Variants in PHF19 observed in about 807,000 individuals in gnomAD.
PHF19 encodes PHD finger protein 19.
A neutral mutation model predicts 79.8 loss-of-function variants in PHF19; 21 were observed. The ratio of observed to expected loss-of-function variants is 0.26; its 90% CI spans 0.19 to 0.38. The LOEUF is 0.38. Among genes scored for constraint, PHF19 ranks in the 10% least tolerant of loss-of-function variants. The pLI is 1.00. For synonymous variants in PHF19, 273 were observed against 296.3 expected, an observed-to-expected ratio of 0.92 and a Z score of 0.81; for missense variants, 445 against 744.2, an observed-to-expected ratio of 0.60 and a Z score of 4.68.
Position 120,862,814 on chromosome 9 carries a change from G to A in PHF19, c.969-65C>T. 1 of 1,497,292 alleles carries A rather than the reference G, an allele frequency of 6.7e-7. No individual in the cohort carries two copies. The highest frequency in any genetic ancestry group is 9.3e-7 in the Non-Finnish European group (1 of 1,077,772). 92.8% of individuals were successfully genotyped at this position (1,497,292 alleles called of 1,614,324 possible). ...TCAGTCCATCCTCCTGGGGAGTGGG[G>A]TCAAGCATGACACAAGCCTCTCTGC... On this transcript the variant is annotated intron_variant, in intron 10 of 14. Transcript: ENST00000373896. The surrounding 1 kb of genome is among the most constrained non-coding windows in gnomAD (Gnocchi z 4.6).
In PHF19 at chr9:120,869,334, G is replaced by A. The variant is rs773811378; in HGVS notation, c.466-4C>T. The A allele has an allele frequency of 7.4e-6, 12 of 1,611,208 alleles. No homozygotes were observed. Among genetic ancestry groups the A allele is most frequent in the Middle Eastern group, 3.3e-4 (2 of 6,080 alleles). On this transcript the variant is annotated splice_region_variant and splice_polypyrimidine_tract_variant and intron_variant, in intron 5 of 14. Transcript: ENST00000373896. This position sits in a 1 kb window ranked among gnomAD's most constrained non-coding sequence, Gnocchi z 5.8. ...CCTTCTTCAGCGCGCCGCCTTTCTG[G>A]GGGGAGACGAGGGCCCCAGTCAACC...
Position 120,861,146 on chromosome 9 carries a change from T to C in PHF19, c.1247A>G (p.Asn416Ser). 1 of 1,610,508 alleles carries C rather than the reference T, an allele frequency of 6.2e-7. No homozygotes were observed. Among genetic ancestry groups the C allele is most frequent in the Non-Finnish European group, 8.5e-7 (1 of 1,176,668 alleles). Residue 416 changes from asparagine (N) to serine (S), a missense_variant, in exon 13 of 15, where the codon AAC becomes AGC. Coordinates refer to ENST00000373896, the MANE Select transcript of PHF19 (RefSeq NM_015651.3). ...GTCAAATATGCTAGCCAGGTGGTGG[T>C]TGGTGCTCCAGGCTGAGGTGAAGTC... The part of the protein sequence containing the change: ...SSDFTSAWST[N>S]HHLASIFDFT...
intron 3 of PHF19, among the ~76,000 whole-genome samples, chr9:120,873,019 GA>G (rs967704652): frequency 1.3e-5 from 2 of 152,192 alleles, no homozygotes; most frequent in Admixed American, 1.3e-4. Context: ...ACCACCCTAT[GA>G]AGCCAGTACT....
At position 120,860,198 on chromosome 9, in the gene PHF19, A is replaced by C. The variant is rs778297957; in HGVS notation, c.1305-13T>G. Reference sequence around the variant, plus strand: ...GCCTGAGCTGGCACTGAGAGGGGCAAGACCGTGAGCCTGCTGGTGGCCCGG... The same window carrying C: ...GCCTGAGCTGGCACTGAGAGGGGCACGACCGTGAGCCTGCTGGTGGCCCGG... On this transcript the variant is annotated splice_polypyrimidine_tract_variant and intron_variant, in intron 13 of 14. Coordinates refer to ENST00000373896, the MANE Select transcript of PHF19 (RefSeq NM_015651.3). This position sits in a 1 kb window ranked among gnomAD's most constrained non-coding sequence, Gnocchi z 4.1. The C allele has an allele frequency of 2.0e-6, 3 of 1,503,844 alleles. No individual in the cohort carries two copies. In the Admixed American group the frequency reaches 5.5e-5, roughly 27 times the overall value. 93.2% of individuals were successfully genotyped at this position (1,503,844 alleles called of 1,614,324 possible).
chr9:120,890,125 T>A (rs1461773804), intron 1 of PHF19, among the ~76,000 whole-genome samples: 1 of 152,228 alleles, frequency 6.6e-6, no homozygotes, highest in East Asian at 1.9e-4. Flanking sequence ...ACCCAGTAAA[T>A]GTCCCATAAG....
In PHF19 at chr9:120,866,224, C is replaced by T; in HGVS notation, c.711-128G>A. 4 of 730,850 alleles carry T rather than the reference C, an allele frequency of 5.5e-6. No individual in the cohort carries two copies. The South Asian group carries it at 5.9e-5, about 11-fold the overall frequency. The allele number at this position is 730,850 out of a possible 1,614,324, so 45.3% of individuals were successfully genotyped here. ...TCTTCTCACTCCTAGGACTGCTGGC[C>T]ACTGGGGGTCAAGGACAGGGCAGGA... On this transcript the variant is annotated intron_variant, in intron 7 of 14. Transcript: ENST00000373896. The surrounding 1 kb of genome is among the most constrained non-coding windows in gnomAD (Gnocchi z 5.2).
At chr9:120,876,737 C>G (rs2046071578) in intron 1 of PHF19, among the ~76,000 whole-genome samples, 1 of 152,222 alleles carries the variant, frequency 6.6e-6, no homozygotes, top group Non-Finnish European at 1.5e-5. Flanking sequence ...TCCTCAGTCG[C>G]TCGGACGCCA....
Position 120,869,782 on chromosome 9 carries a change from T to G in PHF19, c.465+63A>C. ...TGGAGCTCAGACTCTGTGATGGGAG[T>G]CTCTGGTCTGCCCCACTGGAGGAGG... On this transcript the variant is annotated intron_variant, in intron 5 of 14. Transcript: ENST00000373896. This position sits in a 1 kb window ranked among gnomAD's most constrained non-coding sequence, Gnocchi z 5.8. 1 of 1,607,704 alleles carries G rather than the reference T, an allele frequency of 6.2e-7. No individual in the cohort carries two copies.
At chr9:120,873,903 A>G in intron 3 of PHF19, 76 bp downstream of exon 3, 2 of 764,584 alleles carry the variant, frequency 2.6e-6, no homozygotes, top group South Asian at 3.1e-5. Flanking sequence ...GGAAGGACAG[A>G]AGGAAGAAAT....
intron 12 of PHF19, 98 bp from the exon 13 acceptor site, chr9:120,861,272 T>C: frequency 1.3e-6 from 1 of 787,758 alleles, no homozygotes; most frequent in Non-Finnish European, 2.3e-6. Context: ...CGCTGAGGGC[T>C]GGGCCCTCCC....
chr9:120,884,002 T>C (rs746774250), intron 1 of PHF19, among the ~76,000 whole-genome samples: 1 of 152,162 alleles, frequency 6.6e-6, no homozygotes, highest in East Asian at 1.9e-4. Context: ...ACTTCTCTAA[T>C]CAGGGCTTCA....
rs1159537115 is a variant in PHF19 at position 120,860,916 on chromosome 9, G to A, written c.1304+173C>T. On this transcript the variant is annotated intron_variant, in intron 13 of 14. Coordinates refer to ENST00000373896, the MANE Select transcript of PHF19 (RefSeq NM_015651.3). The surrounding 1 kb of genome is among the most constrained non-coding windows in gnomAD (Gnocchi z 4.1). ...GCAAGGTGGGGAGGGCTGGAGAAGAGGGGAGGGCTGTGGTGCTCTGGGAAC... is the reference window on the plus strand; with the variant it reads ...GCAAGGTGGGGAGGGCTGGAGAAGAAGGGAGGGCTGTGGTGCTCTGGGAAC... 2 of 591,786 alleles carry A rather than the reference G, an allele frequency of 3.4e-6. No individual in the cohort carries two copies. The highest frequency in any genetic ancestry group is 3.7e-5 in the African/African-American group (2 of 54,096). 36.7% of individuals were successfully genotyped at this position (591,786 alleles called of 1,614,324 possible).
chr9:120,859,872 C>T (rs1257754853), intron 14 of PHF19, among the ~76,000 whole-genome samples: 1 of 152,144 alleles, frequency 6.6e-6, no homozygotes, highest in African/African-American at 2.4e-5. Flanking sequence ...GATGGAACCA[C>T]GGGAGGCTGA....
At chr9:120,877,845 A>G (rs2046111818), upstream of PHF19, among the ~76,000 whole-genome samples, 1 of 152,256 alleles carries the variant, frequency 6.6e-6, no homozygotes, top group African/African-American at 2.4e-5. Flanking sequence ...CACAAAGAGA[A>G]GTACTGTACA....
chr9:120,859,416 G>A (rs1022011420), intron 14 of PHF19, among the ~76,000 whole-genome samples: 2 of 151,850 alleles, frequency 1.3e-5, no homozygotes, highest in Non-Finnish European at 2.9e-5. Flanking sequence ...CACCGTGCCT[G>A]GCCAGGCATT....
chr9:120,877,174 G>A lies in PHF19; in HGVS notation c.-99C>T, dbSNP rs2046088398. ...CGGAGGCGGCTGCGCTCGGCCCGCG[G>A]CTGCCCGGCCGAGTGTCCGCCCGTG... is the stretch of plus-strand genomic sequence containing the variant. On this transcript the variant is annotated 5_prime_UTR_variant, in exon 1 of 15. Coordinates refer to ENST00000373896, the MANE Select transcript of PHF19 (RefSeq NM_015651.3). 1 of 984,060 alleles carries A rather than the reference G, an allele frequency of 1.0e-6. No homozygotes were observed. Among genetic ancestry groups the A allele is most frequent in the Non-Finnish European group, 1.2e-6 (1 of 829,352 alleles). The allele number at this position is 984,060 out of a possible 1,614,324, so 61.0% of individuals were successfully genotyped here.
chr9:120,899,219 C>T (rs1055968141), upstream of PHF19, among the ~76,000 whole-genome samples: 1 of 137,412 alleles, frequency 7.3e-6, no homozygotes, highest in African/African-American at 2.7e-5. Context: ...AAAAAAAAGG[C>T]CAGGCGCAGT....
chr9:120,863,446 G>C (rs1245389636), intron 10 of PHF19, among the ~76,000 whole-genome samples: 2 of 152,112 alleles, frequency 1.3e-5, no homozygotes, highest in Admixed American at 1.3e-4. Context: ...TGGAACGAAT[G>C]AGTAAAAAAG....
upstream of PHF19, chr9:120,877,214 G>A: frequency 1.1e-6 from 1 of 945,806 alleles, no homozygotes. Context: ...CGGGGTCGGG[G>A]TCTCGGCGGG....
Sources: gnomAD v4.1 joint callset for allele counts (sites outside exome capture counted in the v4.1 genomes callset) on GRCh38, gnomAD v4.1.1 for gene constraint, Gnocchi (gnomAD v3.1) non-coding constraint, MANE v1.5 for transcripts, NCBI Gene and HGNC (gene_info 2026-07-23, HGNC 2026-07-21) for gene names.